The following WWP2 variants were observed in gnomAD, a reference collection of about 807,000 sequenced individuals.
The protein encoded by WWP2 is WW domain containing E3 ubiquitin protein ligase 2.
Under a neutral mutation model 121.0 loss-of-function variants are expected in WWP2, and 57 were observed. The ratio of observed to expected loss-of-function variants is 0.47; its 90% CI spans 0.38 to 0.59. The LOEUF (loss-of-function observed/expected upper bound fraction) is 0.59, where lower values mean the gene tolerates loss of function less well. WWP2 is among the 20% of genes least tolerant of loss of function. The pLI, the probability that WWP2 is intolerant of heterozygous loss-of-function variation, is 0.00. For missense variants in WWP2, 962 were observed against 1,158.9 expected, an observed-to-expected ratio of 0.83 and a Z score of 2.47; for synonymous variants, 449 against 441.3, an observed-to-expected ratio of 1.02 and a Z score of -0.22.
rs370579187 is a variant in WWP2, at chr16:69,778,193, T to TATA, written c.-15-8803_-15-8802insATA. 0.011 allele frequency among the ~76,000 whole-genome samples: 428 copies of TATA among 38,932 alleles called. 2 individuals are homozygous for TATA. In the East Asian group the frequency reaches 0.16, roughly 15 times the overall value. The allele number at this position is 38,932 out of a possible 152,430, so 25.5% of individuals were successfully genotyped here. A position where few individuals can be genotyped will look rare whatever the true frequency, so the allele number is the denominator to read the frequency against. ...AAATAAATATATATATATATATATATTTTTTTTTTTTTGAGAAATTTCAAT... is the reference window on the plus strand; with the variant it reads ...AAATAAATATATATATATATATATATATATTTTTTTTTTTTGAGAAATTTCAAT... On this transcript the variant is annotated intron_variant, in intron 1 of 23. Coordinates refer to ENST00000359154, the MANE Select transcript of WWP2 (RefSeq NM_001270454.2).
At chr16:69,893,268 G>T (rs1234544448) in intron 8 of WWP2, among the ~76,000 whole-genome samples, 2 of 152,294 alleles carry the variant, frequency 1.3e-5, no homozygotes, top group East Asian at 3.9e-4. Flanking sequence ...CTGCCTCTCT[G>T]CTATTCTTGG....
rs368329156 is a variant in WWP2 at position 69,900,625 on chromosome 16, C to T, written c.915-8136C>T. The stretch of plus-strand genomic sequence containing the variant: ...GCATCCTCCGCCTCCTGGACTCAAG[C>T]GATTCTCCTGCCTCAGCCTCCTGAG... On this transcript the variant is annotated intron_variant, in intron 8 of 23. Transcript: ENST00000359154. Among the ~76,000 whole-genome samples the T allele has an allele frequency of 1.4e-4, 21 of 152,048 alleles. 2 individuals are homozygous for T. Among genetic ancestry groups the T allele is most frequent in the East Asian group, 3.9e-4 (2 of 5,176 alleles).
rs1189928024 is a variant in WWP2, at chr16:69,886,731, G to C, written c.704-1308G>C. ...GCCAAGATGGCGCCATTCCACTCCA[G>C]CTTGGGTGACGGAGCGAGACTGTGT... On this transcript the variant is annotated intron_variant, in intron 7 of 23. Coordinates refer to ENST00000359154, the MANE Select transcript of WWP2 (RefSeq NM_001270454.2). Among the ~76,000 whole-genome samples the C allele has an allele frequency of 7.9e-5, 12 of 152,196 alleles. 1 individual carries two copies. Among genetic ancestry groups the C allele is most frequent in the Non-Finnish European group, 8.8e-5 (6 of 68,038 alleles).
intron 4 of WWP2, among the ~76,000 whole-genome samples, chr16:69,806,621 G>A (rs140670974): frequency 3.2e-4 from 48 of 151,750 alleles, no homozygotes; most frequent in African/African-American, 1.1e-3. Context: ...TCTTTGTTTC[G>A]TCTTGACTCA....
chr16:69,887,402 C>CT (rs796090205), intron 7 of WWP2, among the ~76,000 whole-genome samples: 2,108 of 147,468 alleles, frequency 0.014, 39 homozygotes, highest in African/African-American at 0.047. Flanking sequence ...AGCCCCAACA[C>CT]TTTTTTTTTT....
chr16:69,833,642 C>T (rs1028593825), intron 4 of WWP2, among the ~76,000 whole-genome samples: 2 of 152,214 alleles, frequency 1.3e-5, no homozygotes, highest in East Asian at 3.8e-4. Context: ...AGGGTGCAGT[C>T]GTATAGCTGA....
intron 23 of WWP2, 44 bp from the exon 24 acceptor site, chr16:69,939,797 C>G: frequency 6.3e-7 from 1 of 1,575,880 alleles, no homozygotes; most frequent in Non-Finnish European, 8.7e-7. Flanking sequence ...TATCAGAGCC[C>G]TGGCCTCCTA....
chr16:69,897,011 A>C (rs1169852801), intron 8 of WWP2, among the ~76,000 whole-genome samples: 1 of 152,094 alleles, frequency 6.6e-6, no homozygotes, highest in African/African-American at 2.4e-5. Context: ...AAGCATGCAG[A>C]TACAAATGGA....
chr16:69,840,986 G>A (rs946946564), intron 5 of WWP2, among the ~76,000 whole-genome samples: 1 of 152,216 alleles, frequency 6.6e-6, no homozygotes, highest in African/African-American at 2.4e-5. Context: ...GATGGGCCTT[G>A]ACTGTGGAGA....
chr16:69,929,440 T>A lies in WWP2; in HGVS notation c.1235-8T>A. The stretch of plus-strand genomic sequence containing the variant: ...ATCTGATGTTCTTTCTTTCTTCTCA[T>A]GTGGCAGAGAAGAGACAGGACAATG... On this transcript the variant is annotated splice_region_variant and splice_polypyrimidine_tract_variant and intron_variant, in intron 11 of 23. Coordinates refer to ENST00000359154, the MANE Select transcript of WWP2 (RefSeq NM_001270454.2). 6.2e-7 allele frequency: 1 copy of A among 1,612,028 alleles called. No homozygotes were observed. Among genetic ancestry groups the A allele is most frequent in the Non-Finnish European group, 8.5e-7 (1 of 1,178,190 alleles).
intron 4 of WWP2, among the ~76,000 whole-genome samples, chr16:69,808,783 C>T (rs1265393784): frequency 6.6e-6 from 1 of 152,230 alleles, no homozygotes; most frequent in Non-Finnish European, 1.5e-5. Context: ...TATTGGTAGA[C>T]ATTTGAGTTG....
intron 8 of WWP2, 48 bp downstream of exon 8, chr16:69,888,297 A>G (rs2057963273): frequency 6.3e-7 from 1 of 1,578,208 alleles, no homozygotes; most frequent in Non-Finnish European, 8.6e-7. Context: ...TCAAAGACTG[A>G]GGCTCCTTTA....
intron 7 of WWP2, among the ~76,000 whole-genome samples, chr16:69,886,821 C>T (rs2057934798): frequency 6.6e-6 from 1 of 152,156 alleles, no homozygotes; most frequent in Admixed American, 6.5e-5. Flanking sequence ...TGGGATGATT[C>T]TATAGTGAGC....
intron 1 of WWP2, among the ~76,000 whole-genome samples, chr16:69,778,222 T>A (rs537063474): frequency 1.4e-3 from 198 of 143,226 alleles, no homozygotes; most frequent in Non-Finnish European, 2.3e-3. Context: ...TTTCAATAGA[T>A]CTACCAGACT....
At chr16:69,812,844 GT>G (rs2056420496) in intron 4 of WWP2, among the ~76,000 whole-genome samples, 1 of 152,054 alleles carries the variant, frequency 6.6e-6, no homozygotes, top group South Asian at 2.1e-4. Flanking sequence ...TGTGTGTCAG[GT>G]TTTTCCACTG....
At chr16:69,926,699 G>C (rs752865239) in intron 11 of WWP2, among the ~76,000 whole-genome samples, 14 of 152,166 alleles carry the variant, frequency 9.2e-5, no homozygotes, top group Non-Finnish European at 1.6e-4. Flanking sequence ...TTGATGTTCA[G>C]CTTGGGGATC....
intron 6 of WWP2, among the ~76,000 whole-genome samples, chr16:69,856,199 C>T (rs577059447): frequency 1.3e-5 from 2 of 152,254 alleles, no homozygotes; most frequent in East Asian, 3.9e-4. Context: ...CTTAAGAAGC[C>T]AGACATAGAA....
intron 1 of WWP2, among the ~76,000 whole-genome samples, chr16:69,776,921 T>C (rs575555543): frequency 1.3e-5 from 2 of 152,224 alleles, no homozygotes; most frequent in Admixed American, 1.3e-4. Context: ...TTAGGTTCTG[T>C]AGTGTTTGTT....
chr16:69,781,981 T>C (rs898925976), intron 1 of WWP2, among the ~76,000 whole-genome samples: 3 of 152,092 alleles, frequency 2.0e-5, no homozygotes, highest in South Asian at 2.1e-4. Context: ...CTCTCAATAC[T>C]GTTAAGATTA....
Sources: allele counts gnomAD v4.1 joint callset (sites outside exome capture counted in the v4.1 genomes callset), GRCh38; gene constraint gnomAD v4.1.1; transcripts MANE v1.5; gene names NCBI Gene and HGNC (gene_info 2026-07-23, HGNC 2026-07-21).